Variants in CADM1 observed in about 807,000 individuals in gnomAD.
The protein encoded by CADM1 is cell adhesion molecule 1, also known as TSLC-1.
CADM1 carries 15 observed loss-of-function variants against 53.1 expected under a neutral mutation model. The observed-to-expected ratio is 0.28, with a 90% CI of 0.19 to 0.44. CADM1 has a LOEUF of 0.44. CADM1 is among the 20% of genes least tolerant of loss of function. The pLI is 1.00. For synonymous variants in CADM1, 281 were observed against 243.0 expected (o/e 1.16, Z -1.45); for missense variants, 434 against 611.3 (o/e 0.71, Z 3.06).
chr11:115,451,489 A>T lies in CADM1; in HGVS notation c.124+52782T>A, dbSNP rs180939217. Among the ~76,000 whole-genome samples the T allele has an allele frequency of 9.2e-5, 14 of 152,340 alleles. No homozygotes were observed. In the East Asian group the frequency reaches 2.7e-3, roughly 29 times the overall value. On this transcript the variant is annotated intron_variant, in intron 1 of 11. Coordinates refer to ENST00000331581, the MANE Select transcript of CADM1 (RefSeq NM_001301043.2). ...TCACAAAGTAGGAGGTCCCAGGCGA[A>T]AAAGGACATAGGTAGCAATTTGTGC...
chr11:115,238,702 T>A, intron 2 of CADM1, 50 bp from the exon 3 acceptor site: 1 of 1,577,062 alleles, frequency 6.3e-7, no homozygotes, highest in Non-Finnish European at 8.7e-7. Flanking sequence ...GGACGGACAG[T>A]CTATTTTCCT....
rs372618395 is a variant in CADM1, at chr11:115,253,738, G to C, written c.125-13318C>G. On this transcript the variant is annotated intron_variant, in intron 1 of 11. Coordinates refer to ENST00000331581, the MANE Select transcript of CADM1 (RefSeq NM_001301043.2). ...TGGAGGAATTCCTACTTGTCCTGTA[G>C]GATTGAGCTCAAAGCCATCAGCTTT... Among the ~76,000 whole-genome samples the C allele has an allele frequency of 7.9e-5, 12 of 152,284 alleles. No homozygotes were observed. In the East Asian group the frequency reaches 9.6e-4, roughly 12 times the overall value.
chr11:115,411,665 T>A (rs904248650), intron 1 of CADM1, among the ~76,000 whole-genome samples: 2 of 152,264 alleles, frequency 1.3e-5, no homozygotes, highest in Admixed American at 6.5e-5. Flanking sequence ...TTTTATTTTT[T>A]TTTATTATTT....
chr11:115,459,049 A>G (rs552226935), intron 1 of CADM1, among the ~76,000 whole-genome samples: 1 of 152,332 alleles, frequency 6.6e-6, no homozygotes, highest in East Asian at 1.9e-4. Flanking sequence ...TTCATGATGC[A>G]TAAGGGTTTT....
intron 1 of CADM1, among the ~76,000 whole-genome samples, chr11:115,273,731 T>C (rs1034704962): frequency 1.3e-5 from 2 of 152,242 alleles, no homozygotes; most frequent in Non-Finnish European, 2.9e-5. Flanking sequence ...TTAGATATAA[T>C]TATGCAATGG....
intron 1 of CADM1, among the ~76,000 whole-genome samples, chr11:115,298,135 T>G (rs967486373): frequency 6.6e-6 from 1 of 152,196 alleles, no homozygotes; most frequent in African/African-American, 2.4e-5. Context: ...ATCCACAAAG[T>G]AGAGACTTAG....
At chr11:115,250,424 T>A (rs1181853725) in intron 1 of CADM1, among the ~76,000 whole-genome samples, 5 of 152,120 alleles carry the variant, frequency 3.3e-5, no homozygotes, top group Non-Finnish European at 7.3e-5. Flanking sequence ...TTTACATTTG[T>A]CTCCAGGGTG....
chr11:115,207,837 G>A (rs1270496683), intron 8 of CADM1, among the ~76,000 whole-genome samples: 2 of 152,136 alleles, frequency 1.3e-5, no homozygotes, highest in East Asian at 1.9e-4. Context: ...ATATATGTAG[G>A]GCAATGGAGA....
intron 1 of CADM1, among the ~76,000 whole-genome samples, chr11:115,474,971 T>C (rs956392027): frequency 6.6e-6 from 1 of 152,158 alleles, no homozygotes. Flanking sequence ...CCCTATATAT[T>C]GTGGTGGGAA....
At chr11:115,378,813 T>C (rs750457341) in intron 1 of CADM1, among the ~76,000 whole-genome samples, 2 of 152,230 alleles carry the variant, frequency 1.3e-5, no homozygotes, top group African/African-American at 2.4e-5. Flanking sequence ...AGCTGAGTAG[T>C]TGTGAAAGAG....
At chr11:115,339,625 T>A (rs1294811291) in intron 1 of CADM1, among the ~76,000 whole-genome samples, 1 of 152,210 alleles carries the variant, frequency 6.6e-6, no homozygotes, top group Non-Finnish European at 1.5e-5. Context: ...AGTTTAGTTT[T>A]CATTTTTAAC....
intron 1 of CADM1, among the ~76,000 whole-genome samples, chr11:115,346,084 C>T (rs1251039853): frequency 2.7e-5 from 3 of 113,102 alleles, no homozygotes; most frequent in Non-Finnish European, 5.4e-5. Context: ...ATCATATTAC[C>T]TTAAGAAGTT....
Position 115,498,369 on chromosome 11 carries a change from C to CTT in CADM1, c.124+5900_124+5901dup, listed in dbSNP as rs1949665694. ...GCAAAGGTATTTATACCATGGAGGC[C>CTT]TTTAAAGACAAATATACGAATGGGG... On this transcript the variant is annotated intron_variant, in intron 1 of 11. Transcript: ENST00000331581. 3.3e-5 allele frequency among the ~76,000 whole-genome samples: 5 copies of CTT among 152,276 alleles called. No homozygotes were observed. The South Asian group carries it at 1.0e-3, about 32-fold the overall frequency.
chr11:115,418,278 G>A (rs1947659620), intron 1 of CADM1, among the ~76,000 whole-genome samples: 2 of 152,112 alleles, frequency 1.3e-5, no homozygotes, highest in African/African-American at 4.8e-5. Flanking sequence ...GGTATAAGGG[G>A]AGTGGAACAC....
intron 9 of CADM1, chr11:115,194,149 G>A (rs1940034123): frequency 1.3e-5 from 2 of 152,120 alleles, no homozygotes; most frequent in African/African-American, 2.4e-5. Context: ...AGAGTCCCGT[G>A]ACTGAATGAC....
Position 115,307,629 on chromosome 11 carries a change from T to G in CADM1, c.125-67209A>C, listed in dbSNP as rs79688169. On this transcript the variant is annotated intron_variant, in intron 1 of 11. Coordinates refer to ENST00000331581, the MANE Select transcript of CADM1 (RefSeq NM_001301043.2). ...TTAGGATTAACTAGATCCTAAGTAT[T>G]CAGGTTCTTCTTGTCCTGCTGTTGC... 2.2e-4 allele frequency among the ~76,000 whole-genome samples: 33 copies of G among 151,904 alleles called. No homozygotes were observed. In the East Asian group the frequency reaches 5.2e-3, roughly 24 times the overall value.
intron 1 of CADM1, among the ~76,000 whole-genome samples, chr11:115,243,717 A>G (rs974091964): frequency 1.3e-5 from 2 of 152,212 alleles, no homozygotes; most frequent in Non-Finnish European, 2.9e-5. Context: ...AGATATCATG[A>G]CAATTAGGTA....
chr11:115,169,279 G>T lies in CADM1; in HGVS notation c.*7195C>A, dbSNP rs1225738272. On this transcript the variant is annotated 3_prime_UTR_variant, in exon 12 of 12. Coordinates refer to ENST00000331581, the MANE Select transcript of CADM1 (RefSeq NM_001301043.2). ...CTGAAGCCAGATAGAGAGAAAATTGGTGATCTTGGCTGGGGCTAACGTGAC... is the reference window on the plus strand; with the variant it reads ...CTGAAGCCAGATAGAGAGAAAATTGTTGATCTTGGCTGGGGCTAACGTGAC... 7.4e-6 allele frequency: 1 copy of T among 135,246 alleles called. No homozygotes were observed. 8.4% of individuals were successfully genotyped at this position (135,246 alleles called of 1,614,324 possible).
chr11:115,198,901 C>T lies in CADM1; in HGVS notation c.1079-463G>A, dbSNP rs1045711874. ...CCAACCCACCCGGGCACTTGGGCTT[C>T]TTGACTGCCAATTAGGCATCACTGA... On this transcript the variant is annotated intron_variant, in intron 8 of 11. Transcript: ENST00000331581. Among the ~76,000 whole-genome samples, 2 of 152,356 alleles carry T rather than the reference C, an allele frequency of 1.3e-5. 1 individual carries two copies. Among genetic ancestry groups the T allele is most frequent in the South Asian group, 4.1e-4 (2 of 4,830 alleles).
Sources: gnomAD v4.1 joint callset for allele counts (sites outside exome capture counted in the v4.1 genomes callset) on GRCh38, gnomAD v4.1.1 for gene constraint, MANE v1.5 for transcripts, NCBI Gene and HGNC (gene_info 2026-07-23, HGNC 2026-07-21) for gene names.